FAM91A1: variants seen among roughly 807,000 people sequenced by gnomAD.
FAM91A1 encodes protein FAM91A1.
A neutral mutation model predicts 113.5 loss-of-function variants in FAM91A1; 41 were observed. The ratio of observed to expected loss-of-function variants is 0.36; its 90% CI spans 0.28 to 0.47. The LOEUF (loss-of-function observed/expected upper bound fraction) is 0.47, where lower values mean the gene tolerates loss of function less well. Ranked by LOEUF, FAM91A1 falls within the 20% of genes least tolerant of loss-of-function variation. The pLI is 1.00. For synonymous variants in FAM91A1, 307 were observed against 347.9 expected (o/e 0.88, Z 1.31); for missense variants, 696 against 1,001.2 (o/e 0.70, Z 4.11).
intron 14 of FAM91A1, among the ~76,000 whole-genome samples, chr8:123,789,190 T>C (rs1404181750): frequency 6.6e-6 from 1 of 152,210 alleles, no homozygotes; most frequent in African/African-American, 2.4e-5. Context: ...TGAACAGCTA[T>C]GTTGAATCAC....
At position 123,786,544 on chromosome 8, in the gene FAM91A1, A is replaced by G. The variant is rs779009372; in HGVS notation, c.1012A>G (p.Ser338Gly). 4.3e-6 allele frequency: 7 copies of G among 1,614,114 alleles called. No homozygotes were observed. The East Asian group carries it at 1.1e-4, about 26-fold the overall frequency. Reference sequence around the variant, plus strand: ...GCTCTTGTCATGGGATGGAGGGGAAAGTAGGAGTCCTGTACAAGAAGCTTC... The same window carrying G: ...GCTCTTGTCATGGGATGGAGGGGAAGGTAGGAGTCCTGTACAAGAAGCTTC... The part of the protein sequence containing the change: ...KMLLSWDGGE[S>G]RSPVQEASSA... Residue 338 changes from serine (S) to glycine (G), a missense_variant, in exon 12 of 24, where the codon AGT becomes GGT. Physicochemically the swap from Ser to Gly is moderately conservative, Grantham distance 56. Coordinates refer to ENST00000334705, the MANE Select transcript of FAM91A1 (RefSeq NM_144963.4).
chr8:123,787,058 A>G (rs182217464), intron 12 of FAM91A1, among the ~76,000 whole-genome samples: 28 of 152,352 alleles, frequency 1.8e-4, no homozygotes, highest in African/African-American at 6.3e-4. Context: ...AGCATAGTGG[A>G]CAAGGCCTAG....
chr8:123,793,296 C>T (rs1815430515), intron 15 of FAM91A1, among the ~76,000 whole-genome samples: 1 of 152,016 alleles, frequency 6.6e-6, no homozygotes, highest in African/African-American at 2.4e-5. Flanking sequence ...TGCAGATATC[C>T]CACTCCTCAT....
At chr8:123,806,270 T>G in intron 20 of FAM91A1, 41 bp downstream of exon 20, 1 of 1,574,494 alleles carries the variant, frequency 6.4e-7, no homozygotes, top group Non-Finnish European at 8.7e-7. Flanking sequence ...GATAATTGGT[T>G]TTGAGTTTGA....
intron 1 of FAM91A1, among the ~76,000 whole-genome samples, chr8:123,772,113 C>T (rs1241649176): frequency 6.6e-6 from 1 of 152,178 alleles, no homozygotes; most frequent in African/African-American, 2.4e-5. Flanking sequence ...ATATTACATA[C>T]TTGGCCAGTG....
At chr8:123,801,855 C>T (rs1815690538) in intron 18 of FAM91A1, among the ~76,000 whole-genome samples, 1 of 151,152 alleles carries the variant, frequency 6.6e-6, no homozygotes, top group South Asian at 2.1e-4. Context: ...CAGCACGGTG[C>T]TTGGGTCATA....
rs1300829488 is a variant in FAM91A1, at chr8:123,768,567, G to A, written c.-136G>A. 2.4e-5 allele frequency: 17 copies of A among 697,478 alleles called. No individual in the cohort carries two copies. Among genetic ancestry groups the A allele is most frequent in the Non-Finnish European group, 3.2e-5 (14 of 435,628 alleles). 43.2% of individuals were successfully genotyped at this position (697,478 alleles called of 1,614,324 possible). ...CTGAACTGTCGGGAGCCTAGGCCAT[G>A]GGGCAGCCTGGGCCTTCTGCAGTGT... On this transcript the variant is annotated 5_prime_UTR_variant, in exon 1 of 24. An upstream start codon of the reference 5' UTR is lost. Transcript: ENST00000334705.
chr8:123,799,903 GA>G lies in FAM91A1; in HGVS notation c.1809+21del, dbSNP rs1160096625. On this transcript the variant is annotated intron_variant, in intron 18 of 23. Transcript: ENST00000334705. The stretch of plus-strand genomic sequence containing the variant: ...TAATTCAGGTACATTTATCTTATTT[GA>G]AATTTTGTCTTTTTATTATAAAGTT... The G allele has an allele frequency of 5.8e-6, 9 of 1,542,088 alleles. No homozygotes were observed. The highest frequency in any genetic ancestry group is 7.0e-6 in the Non-Finnish European group (8 of 1,137,674).
chr8:123,814,874 TTTG>T lies in FAM91A1; in HGVS notation c.*2173_*2175del, dbSNP rs1563652746. ...AAAAAGGTAAATTTAAAATGCAGAC[TTTG>T]TTATTTGCCAAAGAAGATTCATGAA... On this transcript the variant is annotated 3_prime_UTR_variant, in exon 24 of 24. Transcript: ENST00000334705. 2 of 152,656 alleles carry T rather than the reference TTTG, an allele frequency of 1.3e-5. No homozygotes were observed. Among genetic ancestry groups the T allele is most frequent in the Non-Finnish European group, 2.9e-5 (2 of 68,038 alleles). The allele number at this position is 152,656 out of a possible 1,614,324, so 9.5% of individuals were successfully genotyped here.
chr8:123,810,505 T>C (rs1423559031), intron 23 of FAM91A1, 154 bp downstream of exon 23: 3 of 810,354 alleles, frequency 3.7e-6, no homozygotes, highest in East Asian at 2.5e-5. Flanking sequence ...AAGAAGTTAA[T>C]GGACTTGCAC....
At chr8:123,782,058 C>T (rs1815138814) in intron 8 of FAM91A1, among the ~76,000 whole-genome samples, 1 of 152,214 alleles carries the variant, frequency 6.6e-6, no homozygotes, top group Non-Finnish European at 1.5e-5. Flanking sequence ...TAGTTCATTT[C>T]AGTCCAGTTT....
chr8:123,769,640 G>A (rs548234662), intron 1 of FAM91A1, among the ~76,000 whole-genome samples: 33 of 152,274 alleles, frequency 2.2e-4, no homozygotes, highest in South Asian at 6.2e-4. Context: ...GCTGTGCGTT[G>A]CTCTAGGTGC....
rs1446628131 is a variant in FAM91A1, at chr8:123,778,743, G to T, written c.520G>T (p.Ala174Ser). Residue 174 changes from alanine (A) to serine (S), a missense_variant, in exon 6 of 24, where the codon GCT (alanine) becomes TCT (serine). Ala to Ser is a moderately conservative substitution (Grantham distance 99). Transcript: ENST00000334705. Reference protein sequence around the residue: ...IAIEAWWVVQAGYITEDDIKI... With the variant: ...IAIEAWWVVQSGYITEDDIKI... ...CATAGAGGCGTGGTGGGTGGTGCAG[G>T]CTGGCTATATCACAGAAGATGACAT... 1.3e-6 allele frequency: 2 copies of T among 1,592,858 alleles called. No homozygotes were observed. Among genetic ancestry groups the T allele is most frequent in the South Asian group, 1.1e-5 (1 of 88,120 alleles).
intron 15 of FAM91A1, among the ~76,000 whole-genome samples, chr8:123,795,272 T>C (rs1371898221): frequency 6.6e-6 from 1 of 152,192 alleles, no homozygotes; most frequent in Non-Finnish European, 1.5e-5. Flanking sequence ...TATGTTTTGA[T>C]CTGTGTGTGT....
chr8:123,768,642 G>A lies in FAM91A1; in HGVS notation c.-61G>A, dbSNP rs1814762835. ...TCCGCTGACAGGCTGCGGGCGGGCA[G>A]GCGGGAGGCGTAGTGTGGGTCGCGG... On this transcript the variant is annotated 5_prime_UTR_variant, in exon 1 of 24. Coordinates refer to ENST00000334705, the MANE Select transcript of FAM91A1 (RefSeq NM_144963.4). The A allele has an allele frequency of 6.9e-7, 1 of 1,451,286 alleles. No individual in the cohort carries two copies. The highest frequency in any genetic ancestry group is 9.4e-7 in the Non-Finnish European group (1 of 1,066,164). The allele number at this position is 1,451,286 out of a possible 1,614,324, so 89.9% of individuals were successfully genotyped here.
intron 6 of FAM91A1, 107 bp from the exon 7 acceptor site, chr8:123,779,878 T>G: frequency 7.1e-6 from 6 of 845,308 alleles, no homozygotes; most frequent in Non-Finnish European, 1.1e-5. Context: ...TGTAGTTCAT[T>G]GAGCTAATGA....
At position 123,787,681 on chromosome 8, in the gene FAM91A1, A is replaced by G; in HGVS notation, c.1209A>G (p.Ala403=). The change falls in exon 14 of 24, where the codon GCA becomes GCG. Residue 403 remains alanine, a synonymous_variant. Transcript: ENST00000334705. ...GNLSPNLKSH[A]VTMFEVGKLS... ...TTTTTCAGAACTTGAAAAGTCATGC[A>G]GTCACAATGTTTGAAGTAGGCAAAC... 1.2e-6 allele frequency: 2 copies of G among 1,612,056 alleles called. No individual in the cohort carries two copies. The highest frequency in any genetic ancestry group is 1.7e-6 in the Non-Finnish European group (2 of 1,179,242).
intron 3 of FAM91A1, among the ~76,000 whole-genome samples, chr8:123,776,658 GT>G (rs1298202964): frequency 6.6e-6 from 1 of 152,168 alleles, no homozygotes; most frequent in Non-Finnish European, 1.5e-5. Context: ...TTTCATTTCA[GT>G]TACATCCACA....
intron 15 of FAM91A1, among the ~76,000 whole-genome samples, chr8:123,795,596 G>A (rs1429133637): frequency 6.6e-6 from 1 of 152,150 alleles, no homozygotes; most frequent in African/African-American, 2.4e-5. Context: ...AGAACCATGA[G>A]CCAATTAAAC....
Sources: gnomAD v4.1 joint callset for allele counts (sites outside exome capture counted in the v4.1 genomes callset) on GRCh38, gnomAD v4.1.1 for gene constraint, MANE v1.5 for transcripts, NCBI Gene and HGNC (gene_info 2026-07-23, HGNC 2026-07-21) for gene names.